Variants in SEMA3A observed in about 807,000 individuals in gnomAD.
SEMA3A encodes semaphorin-3A.
A neutral mutation model predicts 97.9 loss-of-function variants in SEMA3A; 29 were observed. The observed-to-expected ratio is 0.30, with a 90% CI of 0.22 to 0.40. The LOEUF is 0.40. Ranked by LOEUF, SEMA3A falls within the 10% of genes least tolerant of loss-of-function variation. The probability of loss-of-function intolerance (pLI) is 1.00; values close to 1 mark genes in which losing one functional copy is unlikely to be tolerated. For synonymous variants in SEMA3A, 321 were observed against 323.7 expected (o/e 0.99, Z 0.09); for missense variants, 763 against 951.3 (o/e 0.80, Z 2.60).
intron 1 of SEMA3A, among the ~76,000 whole-genome samples, chr7:84,175,327 C>A (rs758077933): frequency 1.3e-5 from 2 of 152,166 alleles, no homozygotes; most frequent in Non-Finnish European, 2.9e-5. Flanking sequence ...TTTTTAACAT[C>A]ACCATTATTT....
chr7:83,975,124 C>G (rs934971745), intron 15 of SEMA3A, among the ~76,000 whole-genome samples: 4 of 152,228 alleles, frequency 2.6e-5, no homozygotes, highest in Middle Eastern at 6.8e-3. Flanking sequence ...CCCAGTCATT[C>G]AATGGTTAAC....
intron 1 of SEMA3A, among the ~76,000 whole-genome samples, chr7:84,414,162 TA>T (rs1346211383): frequency 2.6e-5 from 4 of 152,174 alleles, no homozygotes; most frequent in African/African-American, 9.6e-5. Context: ...TGTTTTATAT[TA>T]AAAATAGTTT....
chr7:84,490,727 C>T (rs1806702373), intron 1 of SEMA3A, among the ~76,000 whole-genome samples: 2 of 152,082 alleles, frequency 1.3e-5, no homozygotes, highest in Admixed American at 6.6e-5. Context: ...CAAGAAGAAA[C>T]AAATCTAAAT....
chr7:84,184,699 C>T (rs1026792890), intron 1 of SEMA3A, among the ~76,000 whole-genome samples: 1 of 151,832 alleles, frequency 6.6e-6, no homozygotes, highest in Non-Finnish European at 1.5e-5. Context: ...GCTGATCAGA[C>T]CCTGCACCCA....
At chr7:84,150,819 T>G (rs1369203268) in intron 1 of SEMA3A, among the ~76,000 whole-genome samples, 2 of 151,826 alleles carry the variant, frequency 1.3e-5, no homozygotes, top group Non-Finnish European at 2.9e-5. Context: ...AGCAGTAACC[T>G]CTGCAGACTT....
In SEMA3A at chr7:84,014,290, T is replaced by A; in HGVS notation, c.729A>T (p.Val243=). Reference sequence around the variant, plus strand: ...TTGCATTTTCACGGAAGAAAAAGTATACTTTGTCATCTTCAGGATTGTCAC... The same window carrying A: ...TTGCATTTTCACGGAAGAAAAAGTAAACTTTGTCATCTTCAGGATTGTCAC... ...SESDNPEDDK[V]YFFFRENAID... The change falls in exon 7 of 17, where the codon GTA becomes GTT. Residue 243 remains valine (V), a synonymous_variant. Transcript: ENST00000265362. 6.2e-7 allele frequency: 1 copy of A among 1,613,164 alleles called. No individual in the cohort carries two copies. Among genetic ancestry groups the A allele is most frequent in the East Asian group, 2.2e-5 (1 of 44,782 alleles).
intron 1 of SEMA3A, among the ~76,000 whole-genome samples, chr7:84,143,981 A>G (rs1796391357): frequency 6.7e-6 from 1 of 149,876 alleles, no homozygotes. Context: ...ACACACACAC[A>G]CACACACACA....
intron 1 of SEMA3A, among the ~76,000 whole-genome samples, chr7:84,382,230 C>G (rs1803279386): frequency 6.6e-6 from 1 of 151,926 alleles, no homozygotes; most frequent in African/African-American, 2.4e-5. Flanking sequence ...GCCTCAGCCT[C>G]CCTAGTAGCT....
chr7:84,225,620 G>A (rs970047175), intron 3 of SEMA3A, among the ~76,000 whole-genome samples: 1 of 152,026 alleles, frequency 6.6e-6, no homozygotes, highest in Non-Finnish European at 1.5e-5. Context: ...TAAATCTTGT[G>A]CAACATATTC....
intron 3 of SEMA3A, among the ~76,000 whole-genome samples, chr7:84,126,927 T>C (rs764809931): frequency 6.6e-6 from 1 of 152,176 alleles, no homozygotes; most frequent in East Asian, 1.9e-4. Context: ...TCTGGGTTCT[T>C]ACTTCATTGT....
At chr7:84,402,471 T>C (rs186132233) in intron 1 of SEMA3A, among the ~76,000 whole-genome samples, 30 of 152,232 alleles carry the variant, frequency 2.0e-4, no homozygotes, top group Non-Finnish European at 3.2e-4. Flanking sequence ...AACTACCATA[T>C]AATTCATGAA....
rs560159828 is a variant in SEMA3A, at chr7:84,339,633, G to T, written c.-169+32191C>A. ...TGAGCACATGAAGTATGGAGTTGAAGAATATAAGTGTGGTTATTTTGATTG... is the reference window on the plus strand; with the variant it reads ...TGAGCACATGAAGTATGGAGTTGAATAATATAAGTGTGGTTATTTTGATTG... On this transcript the variant is annotated intron_variant, in intron 2 of 3. Transcript: ENST00000424555. Among the ~76,000 whole-genome samples the T allele has an allele frequency of 2.0e-5, 3 of 152,244 alleles. No individual in the cohort carries two copies. The South Asian group carries it at 6.2e-4, about 32-fold the overall frequency.
At chr7:84,000,108 T>C (rs1165773953) in intron 12 of SEMA3A, among the ~76,000 whole-genome samples, 1 of 152,138 alleles carries the variant, frequency 6.6e-6, no homozygotes, top group Non-Finnish European at 1.5e-5. Flanking sequence ...TATGGCAATT[T>C]ATCCACCCCT....
upstream of SEMA3A, chr7:84,195,004 CAG>C (rs562229237): frequency 1.2e-4 from 16 of 137,248 alleles, no homozygotes; most frequent in Middle Eastern, 3.6e-3. Flanking sequence ...GAAAGGGAAA[CAG>C]AGAGAGAGAG....
At chr7:84,080,556 A>T (rs1379554726) in intron 4 of SEMA3A, among the ~76,000 whole-genome samples, 1 of 20,088 alleles carries the variant, frequency 5.0e-5, no homozygotes, top group African/African-American at 2.9e-4. Flanking sequence ...GCAGCTTATA[A>T]TTCTTTTTTT....
intron 2 of SEMA3A, among the ~76,000 whole-genome samples, chr7:84,129,870 T>A (rs908902669): frequency 6.6e-6 from 1 of 152,030 alleles, no homozygotes; most frequent in African/African-American, 2.4e-5. Context: ...GAAACAATTA[T>A]TTGTGTTTTT....
Position 84,398,908 on chromosome 7 carries a change from C to G in SEMA3A, c.-245-27008G>C, listed in dbSNP as rs533700534. Among the ~76,000 whole-genome samples, 9 of 152,234 alleles carry G rather than the reference C, an allele frequency of 5.9e-5. No homozygotes were observed. The South Asian group carries it at 1.7e-3, about 28-fold the overall frequency. ...TAGAACCCTCCAGCAATTGTACCCC[C>G]CTTGCAGAAACATCAACTTGAACAA... is the stretch of plus-strand genomic sequence containing the variant. On this transcript the variant is annotated intron_variant, in intron 1 of 3. Transcript: ENST00000424555.
At chr7:83,980,623 A>AAAAAAAAAAAAAAAAATATAT (rs1310318006) in intron 14 of SEMA3A, among the ~76,000 whole-genome samples, 26 of 71,708 alleles carry the variant, frequency 3.6e-4, no homozygotes, top group South Asian at 3.9e-4. Context: ...AAAAAAAAAA[A>AAAAAAAAAAAAAAAAATATAT]ATATATATAT....
chr7:83,973,805 A>G (rs10258140), intron 15 of SEMA3A, among the ~76,000 whole-genome samples: 55,301 of 151,774 alleles, frequency 0.36, 10,507 homozygotes, highest in Middle Eastern at 0.48. Context: ...GTGAAATTCA[A>G]TGATGGCATT....
Sources: gnomAD v4.1 joint callset for allele counts (sites outside exome capture counted in the v4.1 genomes callset) on GRCh38, gnomAD v4.1.1 for gene constraint, MANE v1.5 for transcripts, NCBI Gene and HGNC (gene_info 2026-07-23, HGNC 2026-07-21) for gene names.